ERC2: variants seen among roughly 807,000 people sequenced by gnomAD.
ERC2 encodes ERC protein 2.
ERC2 carries 42 observed loss-of-function variants against 114.8 expected under a neutral mutation model. That is an observed-to-expected ratio of 0.37 (90% CI 0.29 to 0.47). The LOEUF (loss-of-function observed/expected upper bound fraction) is 0.47. Among genes scored for constraint, ERC2 ranks in the 20% least tolerant of loss-of-function variants. The probability of loss-of-function intolerance (pLI) is 0.99; values close to 1 mark genes in which losing one functional copy is unlikely to be tolerated. For missense variants in ERC2, 939 were observed against 1,150.7 expected, an observed-to-expected ratio of 0.82 and a Z score of 2.66; for synonymous variants, 454 against 425.5, an observed-to-expected ratio of 1.07 and a Z score of -0.82.
intron 14 of ERC2, among the ~76,000 whole-genome samples, chr3:55,808,164 C>G (rs1411092140): frequency 6.6e-6 from 1 of 152,060 alleles, no homozygotes; most frequent in Non-Finnish European, 1.5e-5. Context: ...GTGAGTGCAC[C>G]AAATGAGATG....
At position 55,665,555 on chromosome 3, in the gene ERC2, G is replaced by C. The variant is rs538521695; in HGVS notation, c.*39+18239C>G. On this transcript the variant is annotated intron_variant, in intron 17 of 17. Coordinates refer to ENST00000288221, the MANE Select transcript of ERC2 (RefSeq NM_015576.3). ...CTCAACAACGCCGGGAGAAAATGAA[G>C]ACAGAGATCAGAGTGATGCATCTAC... Among the ~76,000 whole-genome samples, 4 of 152,272 alleles carry C rather than the reference G, an allele frequency of 2.6e-5. 1 individual carries two copies. In the South Asian group the frequency reaches 8.3e-4, roughly 32 times the overall value.
chr3:55,571,333 C>T (rs6765264), intron 17 of ERC2, among the ~76,000 whole-genome samples: 37,442 of 151,778 alleles, frequency 0.25, 4,723 homozygotes, highest in Middle Eastern at 0.28. Flanking sequence ...GGCTAGCTAA[C>T]TCCTAGAGAT....
chr3:55,747,879 A>C (rs1223584208), intron 14 of ERC2, among the ~76,000 whole-genome samples: 1 of 152,260 alleles, frequency 6.6e-6, no homozygotes, highest in Non-Finnish European at 1.5e-5. Flanking sequence ...AAAGAGCTGC[A>C]AGACTCAGCT....
intron 17 of ERC2, among the ~76,000 whole-genome samples, chr3:55,648,003 T>C (rs1238426748): frequency 1.3e-5 from 2 of 152,172 alleles, no homozygotes; most frequent in African/African-American, 2.4e-5. Flanking sequence ...AGTGCCCATT[T>C]GTAACCCAGC....
chr3:55,766,181 A>G (rs763552588), intron 14 of ERC2, among the ~76,000 whole-genome samples: 1 of 151,924 alleles, frequency 6.6e-6, no homozygotes, highest in Non-Finnish European at 1.5e-5. Context: ...GCTGTGGCCA[A>G]GGGCTGGCAA....
At chr3:55,916,070 G>A (rs1468019835) in intron 13 of ERC2, among the ~76,000 whole-genome samples, 1 of 152,126 alleles carries the variant, frequency 6.6e-6, no homozygotes, top group African/African-American at 2.4e-5. Flanking sequence ...TCTGCTGCGA[G>A]GTCAAGCCAG....
intron 17 of ERC2, among the ~76,000 whole-genome samples, chr3:55,583,407 C>T (rs1043280098): frequency 0.011 from 1,158 of 106,054 alleles, 41 homozygotes; most frequent in South Asian, 0.081. Flanking sequence ...TCTTTCCTTC[C>T]TTCCTTCCTT....
chr3:55,713,297 A>G (rs1255239687), intron 15 of ERC2, among the ~76,000 whole-genome samples: 3 of 151,760 alleles, frequency 2.0e-5, no homozygotes, highest in Admixed American at 6.6e-5. Context: ...TGCAACCTCT[A>G]CCTCCCAGGT....
At chr3:55,876,265 A>G (rs1479085262) in intron 14 of ERC2, among the ~76,000 whole-genome samples, 1 of 152,064 alleles carries the variant, frequency 6.6e-6, no homozygotes, top group African/African-American at 2.4e-5. Context: ...TAATATTTGG[A>G]CTGGATTTTA....
At chr3:56,256,168 A>C (rs952802488) in intron 3 of ERC2, among the ~76,000 whole-genome samples, 1 of 152,238 alleles carries the variant, frequency 6.6e-6, no homozygotes, top group Non-Finnish European at 1.5e-5. Flanking sequence ...CCTTCCACAG[A>C]ACGAAAGAAT....
At position 55,651,526 on chromosome 3, in the gene ERC2, G is replaced by A. The variant is rs2060621443; in HGVS notation, c.*39+32268C>T. ...GGGTTCTAGTCTCAGGCTTCAGCTG[G>A]GGGATCTTGAACTGGGTCTTTCGCT... On this transcript the variant is annotated intron_variant, in intron 17 of 17. Coordinates refer to ENST00000288221, the MANE Select transcript of ERC2 (RefSeq NM_015576.3). 4.6e-5 allele frequency among the ~76,000 whole-genome samples: 7 copies of A among 152,118 alleles called. No individual in the cohort carries two copies. In the South Asian group the frequency reaches 1.5e-3, roughly 32 times the overall value.
intron 6 of ERC2, 65 bp from the exon 7 acceptor site, chr3:56,081,049 T>G: frequency 6.4e-7 from 1 of 1,561,734 alleles, no homozygotes; most frequent in South Asian, 1.2e-5. Flanking sequence ...CCATCAATTG[T>G]GCCCTTTGAG....
At chr3:56,367,789 A>G (rs542290495) in intron 2 of ERC2, among the ~76,000 whole-genome samples, 12 of 152,242 alleles carry the variant, frequency 7.9e-5, no homozygotes, top group African/African-American at 2.6e-4. Flanking sequence ...CTATCCCAGA[A>G]AAAGATCTAT....
At chr3:55,905,966 G>A (rs1441873215) in intron 13 of ERC2, among the ~76,000 whole-genome samples, 1 of 152,142 alleles carries the variant, frequency 6.6e-6, no homozygotes, top group Non-Finnish European at 1.5e-5. Flanking sequence ...CATAGCATGT[G>A]TCACAATTTT....
At chr3:55,607,904 G>A (rs1427251920) in intron 17 of ERC2, 12 of 152,062 alleles carry the variant, frequency 7.9e-5, no homozygotes, top group Admixed American at 7.9e-4. Context: ...GGCTATCGCA[G>A]ACATGATACC....
chr3:56,095,890 A>G (rs1048516398), intron 6 of ERC2, among the ~76,000 whole-genome samples: 1 of 152,188 alleles, frequency 6.6e-6, no homozygotes, highest in Non-Finnish European at 1.5e-5. Flanking sequence ...TAGCATATTA[A>G]TACATTGTAG....
chr3:55,656,547 A>G (rs1271224611), intron 17 of ERC2, among the ~76,000 whole-genome samples: 1 of 152,208 alleles, frequency 6.6e-6, no homozygotes, highest in Non-Finnish European at 1.5e-5. Flanking sequence ...AGGCCACAGA[A>G]GAAGTACATC....
chr3:56,011,678 T>C (rs565485082), intron 8 of ERC2, among the ~76,000 whole-genome samples: 61 of 151,962 alleles, frequency 4.0e-4, no homozygotes, highest in African/African-American at 1.4e-3. Context: ...TGAGTTAGAT[T>C]TCTGAAATTA....
chr3:56,026,550 A>G (rs1433750307), intron 7 of ERC2, among the ~76,000 whole-genome samples: 1 of 152,192 alleles, frequency 6.6e-6, no homozygotes, highest in African/African-American at 2.4e-5. Context: ...GAGAATGATG[A>G]AGATGATGGC....
Sources: gnomAD v4.1 joint callset for allele counts (sites outside exome capture counted in the v4.1 genomes callset) on GRCh38, gnomAD v4.1.1 for gene constraint, MANE v1.5 for transcripts, NCBI Gene and HGNC (gene_info 2026-07-23, HGNC 2026-07-21) for gene names.